The following AP4M1 variants were observed in gnomAD, a reference collection of about 807,000 sequenced individuals.
AP4M1 encodes the protein AP-4 complex subunit mu-1.
A neutral mutation model predicts 62.4 loss-of-function variants in AP4M1; 58 were observed. That is an observed-to-expected ratio of 0.93 (90% confidence interval 0.75 to 1.16). AP4M1 has a LOEUF of 1.16. AP4M1 is among the 50% of genes most tolerant of loss of function. The pLI is 0.00. For synonymous variants in AP4M1, 290 were observed against 239.7 expected, an observed-to-expected ratio of 1.21 and a Z score of -1.94; for missense variants, 626 against 585.4, an observed-to-expected ratio of 1.07 and a Z score of -0.72.
chr7:100,101,014 C>T (rs961322726), upstream of AP4M1: 3 of 793,354 alleles, frequency 3.8e-6, no homozygotes, highest in South Asian at 5.7e-5. Context: ...TAGCGCGCCC[C>T]CAAGCCCCCA....
At position 100,108,551 on chromosome 7, in the gene AP4M1, G is replaced by A. The variant is rs1796814560; in HGVS notation, c.*1669G>A. On this transcript the variant is annotated 3_prime_UTR_variant, in exon 15 of 15. Transcript: ENST00000359593. ...AGGAGCACAGTGTTTCTGCAGAACA[G>A]AAAAAAAGCCAGGTAGAGGGAGGGC... The A allele has an allele frequency of 1.3e-6, 2 of 1,582,426 alleles. No individual in the cohort carries two copies. Among genetic ancestry groups the A allele is most frequent in the Non-Finnish European group, 1.7e-6 (2 of 1,159,466 alleles).
In AP4M1 at chr7:100,106,867, T is replaced by C; in HGVS notation, c.1347T>C (p.Tyr449=). 5 of 1,613,308 alleles carry C rather than the reference T, an allele frequency of 3.1e-6. No homozygotes were observed. The highest frequency in any genetic ancestry group is 1.1e-5 in the South Asian group (1 of 91,086). ...GACACCTAAGCCACAGCGACGCCTA[T>C]GTCATTCGGATCTGAGGCTCCCCAA... ...WVRHLSHSDA[Y]VIRI The change falls in exon 15 of 15, where the codon TAT becomes TAC. Residue 449 remains tyrosine, a synonymous_variant. Coordinates refer to ENST00000359593, the MANE Select transcript of AP4M1 (RefSeq NM_004722.4).
chr7:100,101,177 G>A (rs1030399526), upstream of AP4M1: 33 of 1,546,528 alleles, frequency 2.1e-5, no homozygotes, highest in Non-Finnish European at 2.7e-5. Context: ...CGCCGACCCC[G>A]GTCCCCCAAG....
In AP4M1 at chr7:100,108,735, A is replaced by G. The variant is rs1796849516; in HGVS notation, c.*1853A>G. ...TGTACAGAACACTGTGGGCTTTCTC[A>G]TAAGAAAAGATGGGCACGGGGCCAG... is the stretch of plus-strand genomic sequence containing the variant. On this transcript the variant is annotated 3_prime_UTR_variant, in exon 15 of 15. Coordinates refer to ENST00000359593, the MANE Select transcript of AP4M1 (RefSeq NM_004722.4). 1 of 529,210 alleles carries G rather than the reference A, an allele frequency of 1.9e-6. No individual in the cohort carries two copies. The highest frequency in any genetic ancestry group is 3.2e-6 in the Non-Finnish European group (1 of 309,408). The allele number at this position is 529,210 out of a possible 1,614,324, so 32.8% of individuals were successfully genotyped here.
chr7:100,101,653 G>C lies in AP4M1; in HGVS notation c.-62G>C. The C allele has an allele frequency of 4.6e-6, 7 of 1,506,404 alleles. No individual in the cohort carries two copies. In the South Asian group the frequency reaches 7.9e-5, roughly 17 times the overall value. 93.3% of individuals were successfully genotyped at this position (1,506,404 alleles called of 1,614,324 possible). On this transcript the variant is annotated 5_prime_UTR_variant, in exon 1 of 15. Coordinates refer to ENST00000359593, the MANE Select transcript of AP4M1 (RefSeq NM_004722.4). ...CAGCGCACACGCGTTCTTTTGTTCC[G>C]GGGCCGCAGGGCGGGGCAGGCCCGA...
chr7:100,101,982 G>A lies in AP4M1; in HGVS notation c.147+14G>A. On this transcript the variant is annotated intron_variant, in intron 2 of 14. Coordinates refer to ENST00000359593, the MANE Select transcript of AP4M1 (RefSeq NM_004722.4). The stretch of plus-strand genomic sequence containing the variant: ...CCGGTTGTCATGGTAACCAGTGGCG[G>A]GAGGCGGGTGAGGAGCGGGGTCCCG... 2.5e-6 allele frequency: 4 copies of A among 1,612,948 alleles called. No homozygotes were observed. Among genetic ancestry groups the A allele is most frequent in the Non-Finnish European group, 3.4e-6 (4 of 1,179,860 alleles).
In AP4M1 at chr7:100,107,750, T is replaced by C. The variant is rs1457647164; in HGVS notation, c.*868T>C. ...CTGTAGTTCACCCTGTAGACAGCTATGGCTGGAGACCTTGTTCATGCAGGG... is the reference window on the plus strand; with the variant it reads ...CTGTAGTTCACCCTGTAGACAGCTACGGCTGGAGACCTTGTTCATGCAGGG... On this transcript the variant is annotated 3_prime_UTR_variant, in exon 15 of 15. Transcript: ENST00000359593. 2 of 1,441,340 alleles carry C rather than the reference T, an allele frequency of 1.4e-6. No homozygotes were observed. The highest frequency in any genetic ancestry group is 1.9e-6 in the Non-Finnish European group (2 of 1,080,680). 89.3% of individuals were successfully genotyped at this position (1,441,340 alleles called of 1,614,324 possible).
rs1226504808 is a variant in AP4M1, at chr7:100,104,367, TAAAC to T, written c.606+217_606+220del. On this transcript the variant is annotated intron_variant, in intron 7 of 14. Coordinates refer to ENST00000359593, the MANE Select transcript of AP4M1 (RefSeq NM_004722.4). The stretch of plus-strand genomic sequence containing the variant: ...ACCCCGTCTCTACAAAAAATACAAA[TAAAC>T]AAATTACCCAGACATGGTAGTGTAC... 9.7e-4 allele frequency among the ~76,000 whole-genome samples: 144 copies of T among 147,974 alleles called. 1 individual carries two copies. Among genetic ancestry groups the T allele is most frequent in the Admixed American group, 9.7e-3 (144 of 14,802 alleles).
At chr7:100,101,010 GC>G (rs1795987546), upstream of AP4M1, 1 of 766,884 alleles carries the variant, frequency 1.3e-6, no homozygotes, top group Admixed American at 3.2e-5. Flanking sequence ...GGGTTAGCGC[GC>G]CCCCAAGCCC....
chr7:100,102,002 G>T lies in AP4M1; in HGVS notation c.147+34G>T, dbSNP rs1403569289. 1.9e-6 allele frequency: 3 copies of T among 1,611,066 alleles called. No homozygotes were observed. In the Admixed American group the frequency reaches 5.0e-5, roughly 27 times the overall value. The stretch of plus-strand genomic sequence containing the variant: ...TGGCGGGAGGCGGGTGAGGAGCGGG[G>T]TCCCGTCGGGCCGGGTGGGCGCCAG... On this transcript the variant is annotated intron_variant, in intron 2 of 14. Coordinates refer to ENST00000359593, the MANE Select transcript of AP4M1 (RefSeq NM_004722.4).
chr7:100,104,287 G>A, intron 7 of AP4M1, 133 bp downstream of exon 7: 2 of 795,518 alleles, frequency 2.5e-6, no homozygotes, highest in Admixed American at 4.0e-5. Context: ...GGAGGCCGAG[G>A]TGGGAGAATT....
Position 100,104,116 on chromosome 7 carries a change from G to A in AP4M1, c.568G>A (p.Asp190Asn), listed in dbSNP as rs1257821852. 2 of 1,613,810 alleles carry A rather than the reference G, an allele frequency of 1.2e-6. No individual in the cohort carries two copies. The highest frequency in any genetic ancestry group is 1.7e-6 in the Non-Finnish European group (2 of 1,179,982). ...DQSQKNEVFL[D>N]VVERLSVLIA... ...GAGCCAAAAGAATGAAGTTTTTTTG[G>A]ATGTGGTCGAGAGATTGTCTGTACT... Residue 190 changes from aspartate (D) to asparagine (N), a missense_variant, in exon 7 of 15, where the codon GAT (aspartate) becomes AAT (asparagine). By Grantham distance (23) the Asp-to-Asn change is conservative. Coordinates refer to ENST00000359593, the MANE Select transcript of AP4M1 (RefSeq NM_004722.4).
At chr7:100,104,191 A>T in intron 7 of AP4M1, 37 bp downstream of exon 7, 2 of 1,588,796 alleles carry the variant, frequency 1.3e-6, no homozygotes, top group South Asian at 2.2e-5. Context: ...CTGAGGACAG[A>T]TGGGACTTGG....
rs1418365008 is a variant in AP4M1 at position 100,107,011 on chromosome 7, G to A, written c.*129G>A. On this transcript the variant is annotated 3_prime_UTR_variant, in exon 15 of 15. Coordinates refer to ENST00000359593, the MANE Select transcript of AP4M1 (RefSeq NM_004722.4). ...GGAAGAGTCCTCAGTCCCAAGACCAGGAGGGGGCAATGGGCCCAGCCTTTC... is the reference window on the plus strand; with the variant it reads ...GGAAGAGTCCTCAGTCCCAAGACCAAGAGGGGGCAATGGGCCCAGCCTTTC... The A allele has an allele frequency of 1.3e-5, 17 of 1,282,318 alleles. No individual in the cohort carries two copies. The highest frequency in any genetic ancestry group is 1.9e-5 in the Non-Finnish European group (17 of 917,020). 79.4% of individuals were successfully genotyped at this position (1,282,318 alleles called of 1,614,324 possible). A position where few individuals can be genotyped will look rare whatever the true frequency, so the allele number is the denominator to read the frequency against.
intron 13 of AP4M1, 33 bp downstream of exon 13, chr7:100,106,324 T>C: frequency 6.2e-7 from 1 of 1,613,716 alleles, no homozygotes; most frequent in Non-Finnish European, 8.5e-7. Flanking sequence ...GGGAGATTCC[T>C]GGGGAGAGAG....
chr7:100,100,833 C>G (rs977409804), upstream of AP4M1: 7 of 1,005,952 alleles, frequency 7.0e-6, no homozygotes, highest in Non-Finnish European at 7.1e-6. Context: ...CCAATCCCGG[C>G]GCGCAGCGGC....
intron 2 of AP4M1, chr7:100,102,226 C>CAAA (rs750730419): frequency 2.1e-4 from 102 of 491,502 alleles, no homozygotes; most frequent in Middle Eastern, 1.2e-3. Context: ...ACTAAAAATA[C>CAAA]AAAAAAAAAA....
intron 13 of AP4M1, 43 bp from the exon 14 acceptor site, chr7:100,106,360 C>T (rs369922571): frequency 1.2e-6 from 2 of 1,612,518 alleles, no homozygotes; most frequent in Non-Finnish European, 8.5e-7. Context: ...GGGTCTGCCT[C>T]AAGAAGGTGC....
chr7:100,101,526 C>T, upstream of AP4M1: 2 of 784,448 alleles, frequency 2.5e-6, no homozygotes, highest in South Asian at 1.6e-5. Context: ...GACGGGGAGG[C>T]GGTGCGGGCG....
Sources: gnomAD v4.1 joint callset for allele counts (sites outside exome capture counted in the v4.1 genomes callset) on GRCh38, gnomAD v4.1.1 for gene constraint, MANE v1.5 for transcripts, NCBI Gene and HGNC (gene_info 2026-07-23, HGNC 2026-07-21) for gene names.